Variants in MTUS1 observed in about 807,000 individuals in gnomAD.
MTUS1 encodes microtubule associated scaffold protein 1, also known as microtubule-associated tumor suppressor 1.
In MTUS1, 109 loss-of-function variants were observed where a neutral mutation model predicts 120.8. The observed-to-expected ratio is 0.90, with a 90% confidence interval of 0.77 to 1.06. The LOEUF (loss-of-function observed/expected upper bound fraction) is 1.06, where lower values mean the gene tolerates loss of function less well. Ranked by LOEUF, MTUS1 falls within the 50% of genes least tolerant of loss-of-function variation. The pLI is 0.00. For missense variants in MTUS1, 2,210 were observed against 1,486.3 expected (o/e 1.49, Z -8.01); for synonymous variants, 737 against 550.5 (o/e 1.34, Z -4.74).
rs907060653 is a variant in MTUS1, at chr8:17,644,853, A to G, written c.*1073T>C. ...AGATGAGCTGGCTCTGGGGCTCTGG[A>G]AAATCATATTCCTTTATCCTTGTCC... On this transcript the variant is annotated 3_prime_UTR_variant, in exon 15 of 15. Transcript: ENST00000693296. 12 of 152,230 alleles carry G rather than the reference A, an allele frequency of 7.9e-5. No homozygotes were observed. Among genetic ancestry groups the G allele is most frequent in the African/African-American group, 2.9e-4 (12 of 41,452 alleles). 9.4% of individuals were successfully genotyped at this position (152,230 alleles called of 1,614,324 possible).
intron 1 of MTUS1, among the ~76,000 whole-genome samples, chr8:17,762,534 C>T (rs2049124144): frequency 6.6e-6 from 1 of 152,118 alleles, no homozygotes; most frequent in Admixed American, 6.5e-5. Context: ...GCATGTCTAC[C>T]ACCTAGGAAC....
intron 3 of MTUS1, among the ~76,000 whole-genome samples, chr8:17,740,961 G>T (rs919982351): frequency 7.2e-5 from 11 of 152,142 alleles, no homozygotes; most frequent in Non-Finnish European, 2.9e-5. Flanking sequence ...CGCCTCCTGG[G>T]ATCAAGGAAT....
At chr8:17,748,657 G>A (rs960506626) in intron 2 of MTUS1, among the ~76,000 whole-genome samples, 16 of 152,140 alleles carry the variant, frequency 1.1e-4, no homozygotes, top group South Asian at 2.1e-4. Context: ...TGCTCCTGCC[G>A]GTGCTCAAAG....
intron 7 of MTUS1, among the ~76,000 whole-genome samples, chr8:17,683,406 C>T (rs1815043945): frequency 6.6e-6 from 1 of 152,216 alleles, no homozygotes; most frequent in Non-Finnish European, 1.5e-5. Context: ...TGTATGAAAC[C>T]AGGACAGGTT....
At chr8:17,791,356 T>C (rs902595290) in intron 1 of MTUS1, among the ~76,000 whole-genome samples, 1 of 152,238 alleles carries the variant, frequency 6.6e-6, no homozygotes, top group South Asian at 2.1e-4. Context: ...TATATTTAAA[T>C]ACTGTATATT....
chr8:17,670,345 A>G (rs1376407637), intron 8 of MTUS1, among the ~76,000 whole-genome samples: 1 of 152,204 alleles, frequency 6.6e-6, no homozygotes, highest in East Asian at 1.9e-4. Flanking sequence ...AGCGGAAACC[A>G]TGGGAATGGA....
intron 1 of MTUS1, among the ~76,000 whole-genome samples, chr8:17,774,558 C>G: frequency 6.6e-6 from 1 of 152,108 alleles, no homozygotes. Context: ...CAATCAGATA[C>G]CACTTCATAC....
intron 6 of MTUS1, among the ~76,000 whole-genome samples, chr8:17,712,457 C>T (rs1821502296): frequency 6.6e-6 from 1 of 152,080 alleles, no homozygotes. Context: ...CTGCCTCAGC[C>T]TCCTGAGTGG....
intron 4 of MTUS1, chr8:17,721,937 T>A: frequency 6.3e-7 from 1 of 1,592,424 alleles, no homozygotes; most frequent in African/African-American, 1.3e-5. Context: ...CAGGAAAAAC[T>A]GCAGCCATGT....
At chr8:17,674,492 ACCCTAAGGG>A in intron 8 of MTUS1, 1 of 985,308 alleles carries the variant, frequency 1.0e-6, no homozygotes, top group Non-Finnish European at 1.2e-6. Context: ...TGTTCCATGA[ACCCTAAGGG>A]CTTCCAGGAG....
At chr8:17,654,742 T>C (rs1429244175) in intron 9 of MTUS1, 76 bp from the exon 10 acceptor site, 2 of 998,796 alleles carry the variant, frequency 2.0e-6, no homozygotes, top group African/African-American at 1.6e-5. Flanking sequence ...GCAACCACAT[T>C]AGGAGACGTC....
rs373411615 is a variant in MTUS1 at position 17,727,980 on chromosome 8, CTGAG to C, written c.2288-4151_2288-4148del. Among the ~76,000 whole-genome samples the C allele has an allele frequency of 2.0e-4, 31 of 152,220 alleles. 2 individuals are homozygous for C. Among genetic ancestry groups the C allele is most frequent in the African/African-American group, 6.3e-4 (26 of 41,522 alleles). Reference sequence around the variant, plus strand: ...TACTAAAATACTCACCTCAGAAAACCTGAGTAAGTATACTATATTTAACAACAAT... The same window carrying C: ...TACTAAAATACTCACCTCAGAAAACCTAAGTATACTATATTTAACAACAAT... On this transcript the variant is annotated intron_variant, in intron 3 of 14. Coordinates refer to ENST00000693296, the MANE Select transcript of MTUS1 (RefSeq NM_001363059.2).
intron 1 of MTUS1, among the ~76,000 whole-genome samples, chr8:17,763,154 C>G (rs2131390427): frequency 6.6e-6 from 1 of 152,208 alleles, no homozygotes; most frequent in South Asian, 2.1e-4. Flanking sequence ...CCACGCCCAG[C>G]TAATTTTTTG....
chr8:17,666,425 G>C (rs926476544), intron 8 of MTUS1, among the ~76,000 whole-genome samples: 1 of 152,122 alleles, frequency 6.6e-6, no homozygotes, highest in African/African-American at 2.4e-5. Flanking sequence ...TTATTTATAA[G>C]AATGGACTCA....
chr8:17,762,857 G>A (rs2049150937), intron 1 of MTUS1, among the ~76,000 whole-genome samples: 2 of 152,124 alleles, frequency 1.3e-5, no homozygotes, highest in Non-Finnish European at 2.9e-5. Context: ...CTTCTCCCTG[G>A]TGATACCAAT....
chr8:17,745,186 C>T (rs188554787), intron 2 of MTUS1, among the ~76,000 whole-genome samples: 16 of 152,302 alleles, frequency 1.1e-4, no homozygotes, highest in African/African-American at 3.4e-4. Flanking sequence ...GTGAAAGGAA[C>T]AATTTCTAAG....
intron 1 of MTUS1, among the ~76,000 whole-genome samples, chr8:17,756,680 C>A (rs2048645295): frequency 2.5e-4 from 2 of 8,022 alleles, no homozygotes; most frequent in Non-Finnish European, 8.7e-4. Context: ...AACCCCCACC[C>A]CTTATGTAAC....
At chr8:17,734,611 C>T (rs1239540779) in intron 3 of MTUS1, among the ~76,000 whole-genome samples, 2 of 152,136 alleles carry the variant, frequency 1.3e-5, no homozygotes, top group East Asian at 3.9e-4. Flanking sequence ...CTGCCTTAGT[C>T]ACAGGCCTGG....
At chr8:17,676,769 GA>G (rs1813216075) in intron 7 of MTUS1, among the ~76,000 whole-genome samples, 1 of 152,098 alleles carries the variant, frequency 6.6e-6, no homozygotes, top group Admixed American at 6.6e-5. Flanking sequence ...ATAGAAAAGG[GA>G]AACTTGTTCT....
Sources: allele counts gnomAD v4.1 joint callset (sites outside exome capture counted in the v4.1 genomes callset), GRCh38; gene constraint gnomAD v4.1.1; transcripts MANE v1.5; gene names NCBI Gene and HGNC (gene_info 2026-07-23, HGNC 2026-07-21).